The following STARD13 variants were observed in gnomAD, a reference collection of about 807,000 sequenced individuals.
STARD13 encodes StAR related lipid transfer domain containing 13, also known as stAR-related lipid transfer protein 13.
In STARD13, 62 loss-of-function variants were observed where a neutral mutation model predicts 106.4. The observed-to-expected ratio is 0.58, with a 90% CI of 0.48 to 0.72. STARD13 has a LOEUF of 0.72. STARD13 is among the 30% of genes least tolerant of loss of function. The probability of loss-of-function intolerance (pLI) is 0.00; values close to 1 mark genes in which losing one functional copy is unlikely to be tolerated. For synonymous variants in STARD13, 565 were observed against 553.0 expected (o/e 1.02, Z -0.31); for missense variants, 1,387 against 1,424.0 (o/e 0.97, Z 0.42).
chr13:33,654,244 C>G, the STARD13 span, among the ~76,000 whole-genome samples: 1 of 152,170 alleles, frequency 6.6e-6, no homozygotes, highest in South Asian at 2.1e-4. Flanking sequence ...AAATGTCCAT[C>G]ATCTGATGAA....
the STARD13 span, among the ~76,000 whole-genome samples, chr13:33,461,070 T>A: frequency 2.6e-5 from 4 of 152,192 alleles, no homozygotes; most frequent in Admixed American, 2.6e-4. Flanking sequence ...TGGTCTGTGG[T>A]TGCCTGGGGA....
chr13:33,431,472 G>A, the STARD13 span, among the ~76,000 whole-genome samples: 1 of 152,024 alleles, frequency 6.6e-6, no homozygotes, highest in African/African-American at 2.4e-5. Flanking sequence ...CACATTTGTA[G>A]CTCACATTAT....
the STARD13 span, among the ~76,000 whole-genome samples, chr13:33,413,675 C>T: frequency 6.6e-6 from 1 of 151,852 alleles, no homozygotes; most frequent in Non-Finnish European, 1.5e-5. Context: ...TCCCACAATC[C>T]AATTAGAAAA....
the STARD13 span, among the ~76,000 whole-genome samples, chr13:33,508,723 G>T: frequency 6.6e-6 from 1 of 152,186 alleles, no homozygotes; most frequent in Non-Finnish European, 1.5e-5. Context: ...GATGCTTAAT[G>T]TGTATCAGAA....
At chr13:33,148,237 A>T (rs1159999993) in intron 3 of STARD13, among the ~76,000 whole-genome samples, 1 of 152,266 alleles carries the variant, frequency 6.6e-6, no homozygotes, top group African/African-American at 2.4e-5. Context: ...TTAAAATTCA[A>T]TACTTCTACT....
intron 1 of STARD13, among the ~76,000 whole-genome samples, chr13:33,293,915 T>G: frequency 6.6e-6 from 1 of 152,274 alleles, no homozygotes; most frequent in Middle Eastern, 3.4e-3. Context: ...ATTGAGTGGG[T>G]CAATACTTAA....
intron 1 of STARD13, among the ~76,000 whole-genome samples, chr13:33,215,991 CAAATCTTA>C (rs970668849): frequency 5.3e-5 from 8 of 152,074 alleles, no homozygotes; most frequent in African/African-American, 1.9e-4. Context: ...TCAGGGAATG[CAAATCTTA>C]AAACCACAAC....
At chr13:33,541,447 C>A in the STARD13 span, among the ~76,000 whole-genome samples, 8 of 152,144 alleles carry the variant, frequency 5.3e-5, no homozygotes, top group Non-Finnish European at 1.2e-4. Flanking sequence ...ATTGCAATAT[C>A]CCCCTAACTT....
the STARD13 span, among the ~76,000 whole-genome samples, chr13:33,585,473 T>G: frequency 1.3e-5 from 2 of 152,172 alleles, no homozygotes; most frequent in Admixed American, 1.3e-4. Context: ...ACAGGTGGAT[T>G]GCTTGAGCTC....
the STARD13 span, among the ~76,000 whole-genome samples, chr13:33,436,456 C>T: frequency 6.6e-6 from 1 of 152,114 alleles, no homozygotes; most frequent in Admixed American, 6.5e-5. Context: ...TCAACCATCA[C>T]TACTTGGGTT....
At chr13:33,111,727 A>G (rs1285839745) in intron 10 of STARD13, 51 bp downstream of exon 10, 2 of 1,085,708 alleles carry the variant, frequency 1.8e-6, no homozygotes, top group Non-Finnish European at 2.9e-6. Flanking sequence ...CAAGCGTCTT[A>G]TCTAGTTCCA....
At chr13:33,542,608 C>T in the STARD13 span, among the ~76,000 whole-genome samples, 2 of 152,216 alleles carry the variant, frequency 1.3e-5, no homozygotes, top group Non-Finnish European at 2.9e-5. Context: ...CAACCAGGGC[C>T]CGCTGGCGCC....
In STARD13 at chr13:33,164,391, A is replaced by G. The variant is rs547454794; in HGVS notation, c.323+946T>C. On this transcript the variant is annotated intron_variant, in intron 3 of 13. Coordinates refer to ENST00000336934, the MANE Select transcript of STARD13 (RefSeq NM_178006.4). ...CTAATCATTACTTTCCCTTTAAACT[A>G]CTACCTTATTTATGTCAAATGCAGA... 1.1e-4 allele frequency: 17 copies of G among 152,314 alleles called. No individual in the cohort carries two copies. In the East Asian group the frequency reaches 3.1e-3, roughly 28 times the overall value. The allele number at this position is 152,314 out of a possible 1,614,324, so 9.4% of individuals were successfully genotyped here. A position where few individuals can be genotyped will look rare whatever the true frequency, so the allele number is the denominator to read the frequency against.
At chr13:33,203,316 T>G (rs1887184147) in intron 1 of STARD13, among the ~76,000 whole-genome samples, 1 of 152,218 alleles carries the variant, frequency 6.6e-6, no homozygotes, top group African/African-American at 2.4e-5. Flanking sequence ...GGATTTAAAA[T>G]GAAAACACAG....
At chr13:33,336,451 GC>G (rs763735900) in intron 1 of STARD13, 6 of 152,144 alleles carry the variant, frequency 3.9e-5, no homozygotes, top group Admixed American at 6.5e-5. Context: ...CCTAGAATTG[GC>G]TGATTATAAG....
the STARD13 span, among the ~76,000 whole-genome samples, chr13:33,634,471 C>T: frequency 6.6e-6 from 1 of 152,174 alleles, no homozygotes; most frequent in Non-Finnish European, 1.5e-5. Context: ...GTTTGATTTA[C>T]AAAATAAATA....
the STARD13 span, among the ~76,000 whole-genome samples, chr13:33,598,539 T>C: frequency 6.6e-6 from 1 of 152,240 alleles, no homozygotes; most frequent in Non-Finnish European, 1.5e-5. Flanking sequence ...AGAAACAGTG[T>C]TGGTATAATA....
chr13:33,135,712 T>A (rs1878962413), intron 4 of STARD13, among the ~76,000 whole-genome samples: 1 of 152,206 alleles, frequency 6.6e-6, no homozygotes, highest in African/African-American at 2.4e-5. Flanking sequence ...TTCACTGGTT[T>A]CCCTACGATG....
the STARD13 span, among the ~76,000 whole-genome samples, chr13:33,408,438 T>G: frequency 6.6e-6 from 1 of 151,668 alleles, no homozygotes; most frequent in South Asian, 2.1e-4. Flanking sequence ...TTCATTTCAT[T>G]TAACATAATC....
Sources: gnomAD v4.1 joint callset for allele counts (sites outside exome capture counted in the v4.1 genomes callset) on GRCh38, gnomAD v4.1.1 for gene constraint, MANE v1.5 for transcripts, NCBI Gene and HGNC (gene_info 2026-07-23, HGNC 2026-07-21) for gene names.